The following TPTE variants were observed in gnomAD, a reference collection of about 807,000 sequenced individuals.
The protein encoded by TPTE is transmembrane phosphatase with tensin homology.
TPTE carries 59 observed loss-of-function variants against 84.1 expected under a neutral mutation model. The observed-to-expected ratio is 0.70, with a 90% CI of 0.57 to 0.87. TPTE has a LOEUF of 0.87. Ranked by LOEUF, TPTE falls within the 40% of genes least tolerant of loss-of-function variation. The pLI is 0.00. For missense variants in TPTE, 382 were observed against 659.6 expected, an observed-to-expected ratio of 0.58 and a Z score of 4.61; for synonymous variants, 130 against 223.5, an observed-to-expected ratio of 0.58 and a Z score of 3.73.
chr21:10,552,168 A>G (rs1170968072), intron 7 of TPTE, among the ~76,000 whole-genome samples: 15 of 152,424 alleles, frequency 9.8e-5, no homozygotes, highest in Admixed American at 2.6e-4. Context: ...AGGTATATAC[A>G]TAAGTTTTTC....
chr21:10,542,087 A>G (rs1188007916), intron 5 of TPTE, among the ~76,000 whole-genome samples: 1 of 152,308 alleles, frequency 6.6e-6, no homozygotes. Context: ...GACTACCTAC[A>G]AATTGGAGTT....
chr21:10,556,366 A>G (rs1347710812), intron 8 of TPTE, among the ~76,000 whole-genome samples: 7 of 152,296 alleles, frequency 4.6e-5, no homozygotes, highest in Non-Finnish European at 8.8e-5. Flanking sequence ...TACAAAGGAC[A>G]TGAACTCATC....
intron 17 of TPTE, among the ~76,000 whole-genome samples, chr21:10,588,128 T>C (rs2075399990): frequency 6.6e-6 from 1 of 152,310 alleles, no homozygotes; most frequent in Admixed American, 6.5e-5. Flanking sequence ...GGATTACAGA[T>C]GTGAGCCACT....
At chr21:10,565,431 C>G (rs1197264577) in intron 10 of TPTE, among the ~76,000 whole-genome samples, 10 of 152,424 alleles carry the variant, frequency 6.6e-5, no homozygotes, top group Middle Eastern at 3.4e-3. Context: ...TCCATACTCT[C>G]CAAAGCAATT....
At chr21:10,530,123 C>T (rs2074151420) in intron 3 of TPTE, among the ~76,000 whole-genome samples, 1 of 152,306 alleles carries the variant, frequency 6.6e-6, no homozygotes, top group Non-Finnish European at 1.5e-5. Context: ...AAGCTAGCCC[C>T]TGTGTCCTTT....
intron 2 of TPTE, among the ~76,000 whole-genome samples, chr21:10,524,981 AG>A (rs2074053061): frequency 1.3e-5 from 2 of 152,278 alleles, no homozygotes; most frequent in Non-Finnish European, 2.9e-5. Flanking sequence ...ATGACATTTT[AG>A]GCAGTGTGAT....
At chr21:10,597,853 T>G (rs1376316177) in intron 20 of TPTE, among the ~76,000 whole-genome samples, 162 bp from the exon 21 acceptor site, 1 of 152,292 alleles carries the variant, frequency 6.6e-6, no homozygotes, top group Non-Finnish European at 1.5e-5. Flanking sequence ...CTTGAAGGCT[T>G]GTCTTTCAAA....
chr21:10,574,471 G>T (rs1185389179), intron 14 of TPTE, among the ~76,000 whole-genome samples: 1 of 152,308 alleles, frequency 6.6e-6, no homozygotes, highest in African/African-American at 2.4e-5. Flanking sequence ...TTAAGAACTA[G>T]GGCTAAAAAA....
At chr21:10,550,709 A>G (rs565815326) in intron 7 of TPTE, among the ~76,000 whole-genome samples, 1 of 152,426 alleles carries the variant, frequency 6.6e-6, no homozygotes, top group Admixed American at 6.5e-5. Context: ...AAAATCAACA[A>G]AGAAACATCA....
chr21:10,580,220 T>C (rs2075246841), intron 17 of TPTE, among the ~76,000 whole-genome samples: 1 of 152,290 alleles, frequency 6.6e-6, no homozygotes, highest in African/African-American at 2.4e-5. Context: ...CTCTTGCTAT[T>C]GTGTTGTCTG....
intron 14 of TPTE, among the ~76,000 whole-genome samples, chr21:10,572,465 A>G (rs1296984896): frequency 6.6e-6 from 1 of 152,288 alleles, no homozygotes; most frequent in African/African-American, 2.4e-5. Flanking sequence ...AAAAAAAAAA[A>G]AAAAAAAGGA....
intron 2 of TPTE, among the ~76,000 whole-genome samples, chr21:10,524,892 C>G (rs1390813331): frequency 1.3e-5 from 2 of 152,284 alleles, no homozygotes; most frequent in Non-Finnish European, 2.9e-5. Context: ...TGTGACCCAG[C>G]AAATAAAAAT....
chr21:10,546,555 AAAAC>A (rs1232330670), intron 7 of TPTE, among the ~76,000 whole-genome samples: 1 of 151,708 alleles, frequency 6.6e-6, no homozygotes, highest in Non-Finnish European at 1.5e-5. Context: ...ATGTAAAACA[AAAAC>A]AAAAACAAAA....
chr21:10,562,420 C>G (rs527291208), intron 10 of TPTE, among the ~76,000 whole-genome samples: 1 of 152,422 alleles, frequency 6.6e-6, no homozygotes, highest in South Asian at 2.1e-4. Flanking sequence ...AAATAAGACA[C>G]CAGGGGCCAA....
At chr21:10,560,105 T>G (rs1255227503) in intron 9 of TPTE, among the ~76,000 whole-genome samples, 1 of 152,312 alleles carries the variant, frequency 6.6e-6, no homozygotes, top group Non-Finnish European at 1.5e-5. Flanking sequence ...ATAAATGGCT[T>G]TTGCCTAAGA....
At position 10,521,680 on chromosome 21, in the gene TPTE, A is replaced by C. The variant is rs1263205189; in HGVS notation, c.-225A>C. ...CTAGGGACCCCCGGCGCCTACACTTAGCTCCGCGCCCGAGGTGAGCCCAGG... is the reference window on the plus strand; with the variant it reads ...CTAGGGACCCCCGGCGCCTACACTTCGCTCCGCGCCCGAGGTGAGCCCAGG... On this transcript the variant is annotated 5_prime_UTR_variant, in exon 1 of 24. Transcript: ENST00000618007. The C allele has an allele frequency of 1.3e-5, 2 of 150,534 alleles. No individual in the cohort carries two copies. Among genetic ancestry groups the C allele is most frequent in the Non-Finnish European group, 2.9e-5 (2 of 68,974 alleles). The allele number at this position is 150,534 out of a possible 1,614,324, so 9.3% of individuals were successfully genotyped here. A position where few individuals can be genotyped will look rare whatever the true frequency, so the allele number is the denominator to read the frequency against.
At chr21:10,587,545 G>A (rs1366898643) in intron 17 of TPTE, among the ~76,000 whole-genome samples, 1 of 152,006 alleles carries the variant, frequency 6.6e-6, no homozygotes, top group Non-Finnish European at 1.5e-5. Context: ...CAAAGGAAAT[G>A]ATTTCTTTTT....
intron 10 of TPTE, among the ~76,000 whole-genome samples, chr21:10,564,624 TCAA>T (rs2074878968): frequency 2.6e-5 from 4 of 152,306 alleles, no homozygotes; most frequent in Admixed American, 2.0e-4. Flanking sequence ...AAAACTGAAT[TCAA>T]CAATATATGG....
At chr21:10,582,611 T>C (rs539123321) in intron 17 of TPTE, among the ~76,000 whole-genome samples, 146 of 152,176 alleles carry the variant, frequency 9.6e-4, no homozygotes, top group African/African-American at 3.4e-3. Context: ...TTTTATACTT[T>C]TTTATCATGT....
Sources: gnomAD v4.1 joint callset for allele counts (sites outside exome capture counted in the v4.1 genomes callset) on GRCh38, gnomAD v4.1.1 for gene constraint, MANE v1.5 for transcripts, NCBI Gene and HGNC (gene_info 2026-07-23, HGNC 2026-07-21) for gene names.